BTBD9: variants seen among roughly 807,000 people sequenced by gnomAD.
BTBD9 encodes the protein BTB domain containing 9, also known as BTB/POZ domain-containing protein 9.
A neutral mutation model predicts 64.3 loss-of-function variants in BTBD9; 49 were observed. That is an observed-to-expected ratio of 0.76 (90% CI 0.61 to 0.97). The LOEUF (loss-of-function observed/expected upper bound fraction) is 0.97. BTBD9 is among the 50% of genes least tolerant of loss of function. BTBD9 has a pLI of 0.00. For synonymous variants in BTBD9, 260 were observed against 274.7 expected (o/e 0.95, Z 0.53); for missense variants, 598 against 762.1 (o/e 0.78, Z 2.53).
chr6:38,523,194 T>C (rs1371712904), intron 6 of BTBD9, among the ~76,000 whole-genome samples: 1 of 151,558 alleles, frequency 6.6e-6, no homozygotes, highest in Non-Finnish European at 1.5e-5. Flanking sequence ...TTAAAAAAAA[T>C]AGAGGCAGGC....
At chr6:38,476,191 T>C (rs1351891499) in intron 6 of BTBD9, among the ~76,000 whole-genome samples, 1 of 152,172 alleles carries the variant, frequency 6.6e-6, no homozygotes, top group Non-Finnish European at 1.5e-5. Context: ...AAAATTGTTT[T>C]CAAGGCAGCA....
intron 10 of BTBD9, among the ~76,000 whole-genome samples, chr6:38,186,352 T>C (rs1761818101): frequency 6.6e-6 from 1 of 152,230 alleles, no homozygotes; most frequent in South Asian, 2.1e-4. Context: ...TAATTAATAA[T>C]AATGATGATT....
chr6:38,532,506 A>C (rs1407802405), intron 6 of BTBD9, among the ~76,000 whole-genome samples: 3 of 152,134 alleles, frequency 2.0e-5, no homozygotes, highest in African/African-American at 7.2e-5. Flanking sequence ...TGCTCAGCTC[A>C]CTGCTCCAAA....
rs75706791 is a variant in BTBD9, at chr6:38,339,255, C to T, written c.1264+5729G>A. Among the ~76,000 whole-genome samples the T allele has an allele frequency of 5.3e-3, 803 of 152,212 alleles. 3 individuals are homozygous for T. Among genetic ancestry groups the T allele is most frequent in the Non-Finnish European group, 9.9e-3 (673 of 67,996 alleles). On this transcript the variant is annotated intron_variant, in intron 7 of 10. Coordinates refer to ENST00000481247, the MANE Select transcript of BTBD9 (RefSeq NM_001099272.2). ...GTTTATTTAACATCAGTTAAATAAA[C>T]GATGGTATATCTATACTAATGAGGA... is the stretch of plus-strand genomic sequence containing the variant.
At chr6:38,222,613 G>C (rs776839127) in intron 9 of BTBD9, among the ~76,000 whole-genome samples, 1 of 152,036 alleles carries the variant, frequency 6.6e-6, no homozygotes, top group Non-Finnish European at 1.5e-5. Context: ...TGAGGGGAGG[G>C]CACCAGGGAT....
intron 6 of BTBD9, among the ~76,000 whole-genome samples, chr6:38,383,423 T>C (rs1766021835): frequency 6.6e-6 from 1 of 152,178 alleles, no homozygotes; most frequent in Admixed American, 6.5e-5. Context: ...AGTGGTAAAA[T>C]GATAGAAGCA....
chr6:38,433,632 A>G (rs13217060), intron 6 of BTBD9, among the ~76,000 whole-genome samples: 14,281 of 151,100 alleles, frequency 0.095, 780 homozygotes, highest in Middle Eastern at 0.11. Flanking sequence ...CCCTTTGCTG[A>G]CTCCTTTTTT....
chr6:38,190,985 G>T (rs1417504213), intron 10 of BTBD9, among the ~76,000 whole-genome samples: 2 of 152,182 alleles, frequency 1.3e-5, no homozygotes, highest in African/African-American at 4.8e-5. Context: ...GGGATGCAGT[G>T]TATAAAAAGC....
At chr6:38,257,063 C>CTTTT (rs745545678) in intron 8 of BTBD9, among the ~76,000 whole-genome samples, 1 of 111,352 alleles carries the variant, frequency 9.0e-6, no homozygotes, top group Admixed American at 9.2e-5. Flanking sequence ...TTGCACACTT[C>CTTTT]TTTTTTTTTT....
intron 1 of BTBD9, among the ~76,000 whole-genome samples, chr6:38,622,404 T>C (rs564548884): frequency 3.3e-5 from 5 of 152,310 alleles, no homozygotes; most frequent in Admixed American, 6.5e-5. Flanking sequence ...AATTCCTAGA[T>C]TTGGGCTTCC....
At chr6:38,613,050 T>G (rs561426034) in intron 1 of BTBD9, 1 of 152,230 alleles carries the variant, frequency 6.6e-6, no homozygotes, top group African/African-American at 2.4e-5. Context: ...GTGTAAAATA[T>G]AAATTGTATT....
chr6:38,291,833 G>A (rs1761974147), intron 7 of BTBD9, among the ~76,000 whole-genome samples: 2 of 152,144 alleles, frequency 1.3e-5, no homozygotes, highest in Admixed American at 1.3e-4. Context: ...TCGCATCCCA[G>A]GGATGAAGCT....
intron 6 of BTBD9, among the ~76,000 whole-genome samples, chr6:38,519,849 G>C (rs956337567): frequency 2.0e-5 from 3 of 152,200 alleles, no homozygotes; most frequent in Admixed American, 6.5e-5. Flanking sequence ...ATCAAGGTGA[G>C]TTCCTACTGC....
intron 6 of BTBD9, among the ~76,000 whole-genome samples, chr6:38,410,306 A>G (rs969467473): frequency 1.3e-5 from 2 of 151,890 alleles, no homozygotes; most frequent in Non-Finnish European, 2.9e-5. Flanking sequence ...AGACCCCCAC[A>G]TCTACAAAAA....
intron 7 of BTBD9, among the ~76,000 whole-genome samples, chr6:38,333,918 A>G (rs941581501): frequency 6.6e-6 from 1 of 152,216 alleles, no homozygotes; most frequent in Non-Finnish European, 1.5e-5. Context: ...AGGGCTCAGA[A>G]GAAGACAGGA....
chr6:38,524,460 C>A (rs766305570), intron 6 of BTBD9, among the ~76,000 whole-genome samples: 3 of 152,090 alleles, frequency 2.0e-5, no homozygotes, highest in African/African-American at 2.4e-5. Flanking sequence ...GAACAGTAAG[C>A]ACGTAGCAAG....
intron 10 of BTBD9, among the ~76,000 whole-genome samples, chr6:38,180,967 ACT>A (rs1273551499): frequency 6.6e-6 from 1 of 152,118 alleles, no homozygotes; most frequent in Non-Finnish European, 1.5e-5. Flanking sequence ...TTCACCACAT[ACT>A]GGAGATAGGC....
intron 7 of BTBD9, among the ~76,000 whole-genome samples, chr6:38,333,637 A>G (rs1445500201): frequency 2.0e-5 from 3 of 152,168 alleles, no homozygotes; most frequent in African/African-American, 4.8e-5. Context: ...GGCCATGTAA[A>G]TAAGTGCCTG....
intron 6 of BTBD9, among the ~76,000 whole-genome samples, chr6:38,395,921 G>A (rs1341455004): frequency 6.6e-6 from 1 of 152,106 alleles, no homozygotes; most frequent in Non-Finnish European, 1.5e-5. Flanking sequence ...ATGTTAGCCA[G>A]GATGGTCTCG....
Sources: gnomAD v4.1 joint callset for allele counts (sites outside exome capture counted in the v4.1 genomes callset) on GRCh38, gnomAD v4.1.1 for gene constraint, MANE v1.5 for transcripts, NCBI Gene and HGNC (gene_info 2026-07-23, HGNC 2026-07-21) for gene names.